The following HPSE2 variants were observed in gnomAD, a reference collection of about 807,000 sequenced individuals.
HPSE2 encodes heparanase 2 (inactive).
In HPSE2, 38 loss-of-function variants were observed where a neutral mutation model predicts 60.5. The ratio of observed to expected loss-of-function variants is 0.63; its 90% CI spans 0.48 to 0.82. The LOEUF (loss-of-function observed/expected upper bound fraction) is 0.82. Ranked by LOEUF, HPSE2 falls within the 40% of genes least tolerant of loss-of-function variation. HPSE2 has a pLI of 0.00. For missense variants in HPSE2, 713 were observed against 740.4 expected, an observed-to-expected ratio of 0.96 and a Z score of 0.43; for synonymous variants, 295 against 293.2, an observed-to-expected ratio of 1.01 and a Z score of -0.06.
At chr10:99,094,225 G>A (rs1050733100) in intron 3 of HPSE2, among the ~76,000 whole-genome samples, 9 of 151,458 alleles carry the variant, frequency 5.9e-5, no homozygotes, top group South Asian at 4.2e-4. Flanking sequence ...GTTTGTCGTC[G>A]TTCACGTTAT....
intron 9 of HPSE2, among the ~76,000 whole-genome samples, chr10:98,548,861 G>A (rs185489647): frequency 1.3e-5 from 2 of 152,250 alleles, no homozygotes; most frequent in East Asian, 3.9e-4. Context: ...ATCTCTCACT[G>A]TGGCAGGTAA....
rs142413747 is a variant in HPSE2 at position 99,132,460 on chromosome 10, C to T, written c.610+11778G>A. Among the ~76,000 whole-genome samples, 892 of 152,074 alleles carry T rather than the reference C, an allele frequency of 5.9e-3. 7 individuals carry two copies. Among genetic ancestry groups the T allele is most frequent in the African/African-American group, 0.02 (846 of 41,482 alleles). ...AATGGGGGATTGCTGGCAAGATGGC[C>T]GAATAGGAGAAGCTCCAGTCTGCAT... On this transcript the variant is annotated intron_variant, in intron 3 of 11. Coordinates refer to ENST00000370552, the MANE Select transcript of HPSE2 (RefSeq NM_021828.5).
intron 9 of HPSE2, among the ~76,000 whole-genome samples, chr10:98,597,673 GA>G (rs35585915): frequency 0.46 from 62,963 of 135,594 alleles, 15,137 homozygotes; most frequent in Admixed American, 0.56. Flanking sequence ...TCTGTCTCAA[GA>G]AAAAAAAAAA....
intron 2 of HPSE2, among the ~76,000 whole-genome samples, chr10:99,146,458 G>C (rs1846057101): frequency 6.6e-6 from 1 of 152,228 alleles, no homozygotes; most frequent in African/African-American, 2.4e-5. Context: ...GCCTCACTAA[G>C]AGAAACTCAG....
Position 99,101,620 on chromosome 10 carries a change from T to C in HPSE2, c.610+42618A>G, listed in dbSNP as rs143864582. 3.4e-3 allele frequency among the ~76,000 whole-genome samples: 521 copies of C among 152,334 alleles called. 7 individuals carry two copies. In the South Asian group the frequency reaches 0.035, roughly 10 times the overall value. ...GATATCCAGGAATTGAACTCAACTC[T>C]GCACCAAGTGGACCTAATAGACATC... On this transcript the variant is annotated intron_variant, in intron 3 of 11. Coordinates refer to ENST00000370552, the MANE Select transcript of HPSE2 (RefSeq NM_021828.5).
At chr10:98,816,461 T>C (rs1951292838) in intron 3 of HPSE2, among the ~76,000 whole-genome samples, 2 of 152,174 alleles carry the variant, frequency 1.3e-5, no homozygotes, top group African/African-American at 4.8e-5. Context: ...GAGTACATTA[T>C]AAAATTACTA....
chr10:98,962,310 T>C (rs1955698662), intron 3 of HPSE2, among the ~76,000 whole-genome samples: 1 of 142,694 alleles, frequency 7.0e-6, no homozygotes, highest in Admixed American at 7.2e-5. Context: ...GGGGATGGCA[T>C]TGAATCTGTA....
intron 2 of HPSE2, among the ~76,000 whole-genome samples, chr10:99,187,553 C>T (rs1848073705): frequency 6.6e-6 from 1 of 151,992 alleles, no homozygotes; most frequent in South Asian, 2.1e-4. Flanking sequence ...ATAATAGGAC[C>T]AACAACTCAA....
intron 9 of HPSE2, among the ~76,000 whole-genome samples, chr10:98,570,935 G>A (rs1005504550): frequency 6.6e-6 from 1 of 152,180 alleles, no homozygotes; most frequent in African/African-American, 2.4e-5. Context: ...GCTGCACAGT[G>A]TAGAAACTCA....
the HPSE2 span, among the ~76,000 whole-genome samples, chr10:99,252,058 A>ACAT: frequency 2.0e-5 from 3 of 151,912 alleles, no homozygotes; most frequent in African/African-American, 7.3e-5. Flanking sequence ...CATACATACA[A>ACAT]ACAAAAAACA....
chr10:99,122,805 G>A (rs984979668), intron 3 of HPSE2, among the ~76,000 whole-genome samples: 1 of 152,016 alleles, frequency 6.6e-6, no homozygotes, highest in Non-Finnish European at 1.5e-5. Context: ...AAAATGAAAA[G>A]TTCATTTTGA....
At chr10:98,758,987 A>C (rs1336809852) in intron 3 of HPSE2, among the ~76,000 whole-genome samples, 1 of 152,174 alleles carries the variant, frequency 6.6e-6, no homozygotes, top group African/African-American at 2.4e-5. Flanking sequence ...TATACACAGC[A>C]TGAAATAGTA....
the HPSE2 span, among the ~76,000 whole-genome samples, chr10:99,304,788 G>A: frequency 1.3e-4 from 20 of 152,342 alleles, no homozygotes; most frequent in African/African-American, 4.8e-4. Flanking sequence ...CCAAGCACAG[G>A]AATGCTGCTT....
At chr10:98,490,948 A>G (rs777410520) in intron 9 of HPSE2, among the ~76,000 whole-genome samples, 5 of 152,164 alleles carry the variant, frequency 3.3e-5, no homozygotes, top group Non-Finnish European at 7.4e-5. Flanking sequence ...CTATTATCAT[A>G]TTTTGTGTTT....
At chr10:98,901,651 C>T (rs1243805538) in intron 3 of HPSE2, among the ~76,000 whole-genome samples, 2 of 152,092 alleles carry the variant, frequency 1.3e-5, no homozygotes, top group African/African-American at 4.8e-5. Flanking sequence ...TTATTGACAG[C>T]CTTCAAATAT....
At chr10:98,976,950 G>A (rs575698206) in intron 3 of HPSE2, among the ~76,000 whole-genome samples, 18 of 152,246 alleles carry the variant, frequency 1.2e-4, no homozygotes, top group African/African-American at 3.8e-4. Context: ...AATGTGACAG[G>A]TGGAGATTGG....
chr10:98,764,638 G>A (rs989316568), intron 3 of HPSE2, among the ~76,000 whole-genome samples: 3 of 152,186 alleles, frequency 2.0e-5, no homozygotes, highest in East Asian at 3.8e-4. Context: ...CAGATCACTT[G>A]AGGTCAGAAG....
intron 9 of HPSE2, among the ~76,000 whole-genome samples, chr10:98,582,963 C>T (rs1564987401): frequency 6.6e-6 from 1 of 152,118 alleles, no homozygotes; most frequent in African/African-American, 2.4e-5. Flanking sequence ...CAGGTAATCA[C>T]TTATCTACTC....
Position 99,073,251 on chromosome 10 carries a change from C to A in HPSE2, c.610+70987G>T, listed in dbSNP as rs116142032. Among the ~76,000 whole-genome samples, 648 of 152,022 alleles carry A rather than the reference C, an allele frequency of 4.3e-3. 3 individuals carry two copies. Among genetic ancestry groups the A allele is most frequent in the African/African-American group, 0.015 (618 of 41,444 alleles). On this transcript the variant is annotated intron_variant, in intron 3 of 11. Transcript: ENST00000370552. Reference sequence around the variant, plus strand: ...AAATGCCCATCAATGATAGACTGGACAAAGAAAATGTGGTAGAGATACACA... The same window carrying A: ...AAATGCCCATCAATGATAGACTGGAAAAAGAAAATGTGGTAGAGATACACA...
Sources: allele counts gnomAD v4.1 joint callset (sites outside exome capture counted in the v4.1 genomes callset), GRCh38; gene constraint gnomAD v4.1.1; transcripts MANE v1.5; gene names NCBI Gene and HGNC (gene_info 2026-07-23, HGNC 2026-07-21).